TARM1: variants seen among roughly 807,000 people sequenced by gnomAD.
TARM1 encodes the protein T cell-interacting, activating receptor on myeloid cells 1, also known as T-cell-interacting, activating receptor on myeloid cells protein 1.
TARM1 carries 24 observed loss-of-function variants against 30.4 expected under a neutral mutation model. The ratio of observed to expected loss-of-function variants is 0.79; its 90% confidence interval spans 0.57 to 1.11. The LOEUF is 1.11. TARM1 is among the 50% of genes least tolerant of loss of function. The pLI is 0.00. For missense variants in TARM1, 323 were observed against 332.8 expected (o/e 0.97, Z 0.23); for synonymous variants, 129 against 138.9 (o/e 0.93, Z 0.50).
Position 54,075,906 on chromosome 19 carries a change from C to G in TARM1, c.47G>C (p.Gly16Ala), listed in dbSNP as rs1271629810. The G allele has an allele frequency of 3.2e-6, 5 of 1,551,298 alleles. No homozygotes were observed. The Admixed American group carries it at 9.8e-5, about 30-fold the overall frequency. The part of the protein sequence containing the change: ...LSLLCFRLCV[G>A]QGDTRGDGSL... Reference sequence around the variant, plus strand: ...ACCATCTCCCCTTGTGTCTCCTTGGCCCACGCACAGTCCTGCAAGACAATC... The same window carrying G: ...ACCATCTCCCCTTGTGTCTCCTTGGGCCACGCACAGTCCTGCAAGACAATC... Residue 16 changes from glycine (G) to alanine (A), a missense_variant, in exon 2 of 5, where the codon GGC becomes GCC. By Grantham distance (60) the Gly-to-Ala change is moderately conservative. Transcript: ENST00000432826.
intron 4 of TARM1, among the ~76,000 whole-genome samples, chr19:54,071,471 G>A (rs2071810332): frequency 6.6e-6 from 1 of 152,164 alleles, no homozygotes; most frequent in Non-Finnish European, 1.5e-5. Context: ...GAATTCCGTG[G>A]CTGGATCAGC....
chr19:54,070,616 T>A lies in TARM1; in HGVS notation c.659-456A>T, dbSNP rs1383693396. ...CTGTACTTTAAAGTTTTAATTGAAC[T>A]TTTTTTTTTTCTTGAGATCAAGTTT... On this transcript the variant is annotated intron_variant, in intron 4 of 4. Transcript: ENST00000432826. Among the ~76,000 whole-genome samples the A allele has an allele frequency of 2.7e-5, 4 of 147,018 alleles. No homozygotes were observed. In the East Asian group the frequency reaches 6.0e-4, roughly 22 times the overall value.
chr19:54,072,361 G>A (rs187073515), intron 4 of TARM1, among the ~76,000 whole-genome samples: 42 of 152,196 alleles, frequency 2.8e-4, no homozygotes, highest in South Asian at 1.2e-3. Context: ...AATTTACAGA[G>A]CTGAGGAAGC....
intron 1 of TARM1, among the ~76,000 whole-genome samples, chr19:54,079,079 A>G (rs2072030381): frequency 7.3e-6 from 1 of 136,140 alleles, no homozygotes; most frequent in African/African-American, 2.8e-5. Context: ...ACATGGTGAA[A>G]CCTTGTCTCT....
chr19:54,070,237 A>C (rs1034175478), intron 4 of TARM1, 77 bp from the exon 5 acceptor site: 59 of 1,486,388 alleles, frequency 4.0e-5, no homozygotes, highest in Non-Finnish European at 5.0e-5. Context: ...AAATCTGACT[A>C]TCATCACCCA....
At chr19:54,074,306 T>C in intron 3 of TARM1, 90 bp from the exon 4 acceptor site, 1 of 1,238,860 alleles carries the variant, frequency 8.1e-7, no homozygotes, top group South Asian at 1.4e-5. Context: ...TCTCGTGGAG[T>C]GTGGGAAATG....
In TARM1 at chr19:54,073,915, C is replaced by T; in HGVS notation, c.658+5G>A. The T allele has an allele frequency of 6.4e-7, 1 of 1,551,014 alleles. No individual in the cohort carries two copies. The highest frequency in any genetic ancestry group is 2.4e-5 in the East Asian group (1 of 40,892). ...ACAGTTCCTCAAAACCATACACGCC[C>T]TTACCTGTCACCAATATCTCAAGCT... is the stretch of plus-strand genomic sequence containing the variant. On this transcript the variant is annotated splice_donor_5th_base_variant and intron_variant, in intron 4 of 4. Coordinates refer to ENST00000432826, the MANE Select transcript of TARM1 (RefSeq NM_001135686.3).
chr19:54,070,288 A>ATT, intron 4 of TARM1, 128 bp from the exon 5 acceptor site: 1 of 1,359,054 alleles, frequency 7.4e-7, no homozygotes, highest in Non-Finnish European at 9.7e-7. Context: ...TTTGAGACGG[A>ATT]GTTTTACTCT....
chr19:54,071,045 C>T (rs1419162539), intron 4 of TARM1, among the ~76,000 whole-genome samples: 3 of 152,084 alleles, frequency 2.0e-5, no homozygotes, highest in Non-Finnish European at 2.9e-5. Flanking sequence ...GCAACCTCCA[C>T]CTCCTGGGTT....
intron 1 of TARM1, chr19:54,076,338 CTT>C: frequency 3.7e-6 from 3 of 803,192 alleles, no homozygotes; most frequent in Non-Finnish European, 5.6e-6. Flanking sequence ...TTCTTTCTTT[CTT>C]TCTTTCTTTC....
chr19:54,076,152 G>C, intron 1 of TARM1: 1 of 1,486,560 alleles, frequency 6.7e-7, no homozygotes, highest in Non-Finnish European at 8.9e-7. Flanking sequence ...ACCTCCCCCT[G>C]CTCCAGGCCT....
At position 54,070,250 on chromosome 19, in the gene TARM1, T is replaced by G. The variant is rs187116635; in HGVS notation, c.659-90A>C. ...CCAAATCTGACTATCATCACCCACT[T>G]AATGTTTTCGGTTTTTTGGTTTTTT... On this transcript the variant is annotated intron_variant, in intron 4 of 4. Transcript: ENST00000432826. 69 of 1,469,842 alleles carry G rather than the reference T, an allele frequency of 4.7e-5. 1 individual carries two copies. The Admixed American group carries it at 1.1e-3, about 23-fold the overall frequency. 91.0% of individuals were successfully genotyped at this position (1,469,842 alleles called of 1,614,324 possible).
intron 1 of TARM1, chr19:54,076,335 T>TTTCTCTCTTTCATTCA (rs1555774460): frequency 2.0e-6 from 1 of 506,500 alleles, no homozygotes. Flanking sequence ...TTTTTCTTTC[T>TTTCTCTCTTTCATTCA]TTCTTTCTTT....
chr19:54,073,872 T>C, intron 4 of TARM1, 48 bp downstream of exon 4: 1 of 1,516,312 alleles, frequency 6.6e-7, no homozygotes, highest in Non-Finnish European at 8.9e-7. Context: ...AAACAATCTC[T>C]GATTAAAAAC....
Position 54,074,359 on chromosome 19 carries a change from G to A in TARM1, c.362-143C>T, listed in dbSNP as rs758169801. 2.6e-4 allele frequency: 211 copies of A among 801,042 alleles called. 1 individual carries two copies. The highest frequency in any genetic ancestry group is 4.2e-4 in the Admixed American group (15 of 35,980). The allele number at this position is 801,042 out of a possible 1,614,324, so 49.6% of individuals were successfully genotyped here. On this transcript the variant is annotated intron_variant, in intron 3 of 4. Coordinates refer to ENST00000432826, the MANE Select transcript of TARM1 (RefSeq NM_001135686.3). ...TCTACCTTCCTCCACTTCCTACTCCGACCCCAGGACAGAGATTCTCCCTCC... is the reference window on the plus strand; with the variant it reads ...TCTACCTTCCTCCACTTCCTACTCCAACCCCAGGACAGAGATTCTCCCTCC...
At position 54,076,245 on chromosome 19, in the gene TARM1, CCTTT is replaced by C. The variant is rs587744412; in HGVS notation, c.35-331_35-328del. On this transcript the variant is annotated intron_variant, in intron 1 of 4. Coordinates refer to ENST00000432826, the MANE Select transcript of TARM1 (RefSeq NM_001135686.3). ...TTTCTTTCTTTCTTTCTTTTTCTTT[CCTTT>C]CTTTCTTTCTTTTTTCTTTCTTTCA... is the stretch of plus-strand genomic sequence containing the variant. The C allele has an allele frequency of 1.9e-3, 2,821 of 1,504,708 alleles. 7 individuals carry two copies. The highest frequency in any genetic ancestry group is 2.2e-3 in the Non-Finnish European group (2,530 of 1,128,512). The allele number at this position is 1,504,708 out of a possible 1,614,324, so 93.2% of individuals were successfully genotyped here.
chr19:54,075,132 C>T lies in TARM1; in HGVS notation c.71-18G>A. On this transcript the variant is annotated intron_variant, in intron 2 of 4. Transcript: ENST00000432826. ...CAGTGACCCTGGAAGGAAGCAGAGCCTGATGCTGGACCCGATGCCCTCCCC... is the reference window on the plus strand; with the variant it reads ...CAGTGACCCTGGAAGGAAGCAGAGCTTGATGCTGGACCCGATGCCCTCCCC... 6.5e-7 allele frequency: 1 copy of T among 1,547,730 alleles called. No homozygotes were observed. The highest frequency in any genetic ancestry group is 8.7e-7 in the Non-Finnish European group (1 of 1,144,642).
chr19:54,076,424 G>T lies in TARM1; in HGVS notation c.35-506C>A, dbSNP rs1042499141. ...GTCGCCCAGGCTGGAGTAGAGTGAC[G>T]CAATCTCGGCTCACTGCAACCTCCG... On this transcript the variant is annotated intron_variant, in intron 1 of 4. Coordinates refer to ENST00000432826, the MANE Select transcript of TARM1 (RefSeq NM_001135686.3). 1.2e-5 allele frequency: 6 copies of T among 488,366 alleles called. No individual in the cohort carries two copies. In the African/African-American group the frequency reaches 1.2e-4, roughly 10 times the overall value. 30.3% of individuals were successfully genotyped at this position (488,366 alleles called of 1,614,324 possible).
chr19:54,076,302 G>A (rs1383327656), intron 1 of TARM1: 2 of 1,138,924 alleles, frequency 1.8e-6, no homozygotes, highest in East Asian at 2.9e-5. Context: ...TCATTCCAGA[G>A]ACAGAGTCTC....
Sources: allele counts gnomAD v4.1 joint callset (sites outside exome capture counted in the v4.1 genomes callset), GRCh38; gene constraint gnomAD v4.1.1; transcripts MANE v1.5; gene names NCBI Gene and HGNC (gene_info 2026-07-23, HGNC 2026-07-21).